Variants in ABHD17B observed in about 807,000 individuals in gnomAD.
ABHD17B encodes the protein alpha/beta hydrolase domain-containing protein 17B.
In ABHD17B, 9 loss-of-function variants were observed where a neutral mutation model predicts 26.2. The observed-to-expected ratio is 0.34, with a 90% CI of 0.21 to 0.60. ABHD17B has a LOEUF of 0.60. ABHD17B is among the 20% of genes least tolerant of loss of function. The probability of loss-of-function intolerance (pLI) is 0.80; values close to 1 mark genes in which losing one functional copy is unlikely to be tolerated. For missense variants in ABHD17B, 224 were observed against 352.1 expected (o/e 0.64, Z 2.91); for synonymous variants, 127 against 122.3 (o/e 1.04, Z -0.25).
At position 71,896,652 on chromosome 9, in the gene ABHD17B, T is replaced by C. The variant is rs556386220; in HGVS notation, c.-4+13982A>G. 1.4e-3 allele frequency among the ~76,000 whole-genome samples: 212 copies of C among 150,344 alleles called. 5 individuals are homozygous for C. The South Asian group carries it at 0.043, about 30-fold the overall frequency. On this transcript the variant is annotated intron_variant, in intron 1 of 3. Coordinates refer to ENST00000333421, the MANE Select transcript of ABHD17B (RefSeq NM_001025780.3). ...GTCAAGCAAATAAACAGGGGGTCTA[T>C]GTATATATACAGTTCTATCTTCTAC...
At chr9:71,873,900 T>A (rs970024298) in intron 2 of ABHD17B, among the ~76,000 whole-genome samples, 1 of 152,202 alleles carries the variant, frequency 6.6e-6, no homozygotes, top group Non-Finnish European at 1.5e-5. Flanking sequence ...AAGTAAAATC[T>A]CAGTTTTACA....
chr9:71,892,390 A>G (rs1011971172), intron 1 of ABHD17B, among the ~76,000 whole-genome samples: 8 of 151,930 alleles, frequency 5.3e-5, no homozygotes, highest in African/African-American at 1.9e-4. Context: ...AAAATTAGCC[A>G]GGCGTGGTGG....
intron 1 of ABHD17B, among the ~76,000 whole-genome samples, chr9:71,894,364 A>T (rs1428261001): frequency 6.6e-6 from 1 of 152,076 alleles, no homozygotes; most frequent in Non-Finnish European, 1.5e-5. Flanking sequence ...AGATTTTTTA[A>T]AGATGGTGTC....
downstream of ABHD17B, among the ~76,000 whole-genome samples, chr9:71,863,811 C>G (rs1289593789): frequency 1.3e-5 from 2 of 152,290 alleles, no homozygotes; most frequent in East Asian, 3.9e-4. Flanking sequence ...TTGAAGGTAG[C>G]TATTACTCCT....
Position 71,865,344 on chromosome 9 carries a change from C to T in ABHD17B, c.*1443G>A. On this transcript the variant is annotated 3_prime_UTR_variant, in exon 4 of 4. Transcript: ENST00000333421. ...TATTATTTCCATATTCATTCATTTA[C>T]AAATTAGACTACATACCATTAATTT... 3.1e-6 allele frequency: 3 copies of T among 983,512 alleles called. No individual in the cohort carries two copies. The highest frequency in any genetic ancestry group is 3.6e-6 in the Non-Finnish European group (3 of 827,848). The allele number at this position is 983,512 out of a possible 1,614,324, so 60.9% of individuals were successfully genotyped here.
intron 1 of ABHD17B, among the ~76,000 whole-genome samples, chr9:71,902,115 C>T (rs1564074178): frequency 6.6e-6 from 1 of 152,182 alleles, no homozygotes; most frequent in African/African-American, 2.4e-5. Flanking sequence ...CAACTCATCA[C>T]TCCCCCTTCA....
chr9:71,909,951 T>A (rs1827398724), intron 1 of ABHD17B, among the ~76,000 whole-genome samples: 1 of 151,934 alleles, frequency 6.6e-6, no homozygotes. Flanking sequence ...CAATCTAATT[T>A]GACATAACTT....
chr9:71,910,325 T>G (rs1827420080), intron 1 of ABHD17B, among the ~76,000 whole-genome samples: 3 of 152,148 alleles, frequency 2.0e-5, no homozygotes, highest in Admixed American at 2.0e-4. Context: ...AAAGACCTTC[T>G]TAGAGTGTCG....
chr9:71,906,214 T>G (rs1324702077), intron 1 of ABHD17B, among the ~76,000 whole-genome samples: 1 of 152,250 alleles, frequency 6.6e-6, no homozygotes, highest in African/African-American at 2.4e-5. Flanking sequence ...TTTATTTGTA[T>G]AGTTTTAACA....
intron 3 of ABHD17B, among the ~76,000 whole-genome samples, chr9:71,869,351 A>G (rs530876304): frequency 1.3e-5 from 2 of 150,850 alleles, no homozygotes; most frequent in South Asian, 4.1e-4. Context: ...GCCATTCACA[A>G]AAAAAATCCT....
intron 3 of ABHD17B, 40 bp downstream of exon 3, chr9:71,870,041 CAA>C (rs1362930670): frequency 2.6e-6 from 4 of 1,539,678 alleles, no homozygotes; most frequent in Non-Finnish European, 3.5e-6. Flanking sequence ...AAAAAATTCC[CAA>C]GTTTCTTGGA....
At chr9:71,868,585 G>C (rs1324912059) in intron 3 of ABHD17B, among the ~76,000 whole-genome samples, 2 of 152,206 alleles carry the variant, frequency 1.3e-5, no homozygotes, top group Non-Finnish European at 2.9e-5. Flanking sequence ...CATTTGGTAA[G>C]AATAAATACT....
In ABHD17B at chr9:71,866,889, C is replaced by T. The variant is rs1156280892; in HGVS notation, c.765G>A (p.Glu255=). 6.2e-7 allele frequency: 1 copy of T among 1,614,048 alleles called. No individual in the cohort carries two copies. Among genetic ancestry groups the T allele is most frequent in the African/African-American group, 1.3e-5 (1 of 74,920 alleles). The change falls in exon 4 of 4, where the codon GAG becomes GAA. Residue 255 remains glutamate, a synonymous_variant. Coordinates refer to ENST00000333421, the MANE Select transcript of ABHD17B (RefSeq NM_001025780.3). The part of the protein sequence containing the change: ...ALFERCQRPV[E]PLWVEGAGHN... ...GACCTGCTCCTTCAACCCAGAGAGG[C>T]TCCACAGGTCTTTGGCAACGTTCAA...
intron 1 of ABHD17B, among the ~76,000 whole-genome samples, chr9:71,892,009 T>C (rs538024101): frequency 6.6e-6 from 1 of 152,280 alleles, no homozygotes; most frequent in South Asian, 2.1e-4. Context: ...AGTTCTAGTT[T>C]TACTATTAAA....
At chr9:71,904,655 A>G (rs1827232742) in intron 1 of ABHD17B, among the ~76,000 whole-genome samples, 1 of 152,320 alleles carries the variant, frequency 6.6e-6, no homozygotes, top group Admixed American at 6.5e-5. Flanking sequence ...TGTAGTGGGT[A>G]AATGTGAGAC....
At chr9:71,894,237 C>T (rs533977413) in intron 1 of ABHD17B, among the ~76,000 whole-genome samples, 2 of 151,868 alleles carry the variant, frequency 1.3e-5, no homozygotes, top group Admixed American at 1.3e-4. Context: ...CTTTCATCTA[C>T]TGATGTTTGA....
At chr9:71,889,557 G>T (rs918645277) in intron 1 of ABHD17B, among the ~76,000 whole-genome samples, 1 of 152,108 alleles carries the variant, frequency 6.6e-6, no homozygotes, top group Non-Finnish European at 1.5e-5. Context: ...GGGGGATCTG[G>T]GAGCGTATTT....
At chr9:71,880,288 CTT>C (rs1213408814) in intron 1 of ABHD17B, among the ~76,000 whole-genome samples, 1 of 151,972 alleles carries the variant, frequency 6.6e-6, no homozygotes, top group African/African-American at 2.4e-5. Flanking sequence ...TATCCCAAAA[CTT>C]AGAACTGTAA....
intron 1 of ABHD17B, among the ~76,000 whole-genome samples, chr9:71,892,015 T>C (rs1407447223): frequency 6.6e-6 from 1 of 152,200 alleles, no homozygotes; most frequent in Non-Finnish European, 1.5e-5. Flanking sequence ...AGTTTTACTA[T>C]TAAAAAGCTG....
Sources: allele counts gnomAD v4.1 joint callset (sites outside exome capture counted in the v4.1 genomes callset), GRCh38; gene constraint gnomAD v4.1.1; transcripts MANE v1.5; gene names NCBI Gene and HGNC (gene_info 2026-07-23, HGNC 2026-07-21).